Variants in SFI1 observed in about 807,000 individuals in gnomAD.
The protein encoded by SFI1 is SFI1 centrin binding protein.
In SFI1, 195 loss-of-function variants were observed where a neutral mutation model predicts 207.5. The observed-to-expected ratio is 0.94, with a 90% CI of 0.84 to 1.06. The LOEUF (loss-of-function observed/expected upper bound fraction) is 1.06. SFI1 is among the 50% of genes least tolerant of loss of function. The pLI is 0.00. For missense variants in SFI1, 1,634 were observed against 1,588.0 expected (o/e 1.03, Z -0.49); for synonymous variants, 630 against 598.9 (o/e 1.05, Z -0.76).
intron 2 of SFI1, among the ~76,000 whole-genome samples, chr22:31,520,920 C>T (rs1157698945): frequency 2.7e-5 from 4 of 147,270 alleles, no homozygotes; most frequent in Non-Finnish European, 3.0e-5. Context: ...GGGAGGATCA[C>T]GTGAGCCTGG....
intron 12 of SFI1, 23 bp downstream of exon 12, chr22:31,580,387 A>G (rs1603152220): frequency 1.9e-6 from 3 of 1,588,940 alleles, no homozygotes; most frequent in East Asian, 4.5e-5. Context: ...TTCTGTATCA[A>G]GGGACCTCTT....
chr22:31,612,394 AAAAAATATAT>A (rs1268477713), intron 24 of SFI1: 15 of 107,338 alleles, frequency 1.4e-4, no homozygotes, highest in African/African-American at 4.5e-4. Flanking sequence ...AAAAAAAAAA[AAAAAATATAT>A]ATATATATAT....
At chr22:31,512,854 T>C (rs981125610) in intron 2 of SFI1, among the ~76,000 whole-genome samples, 7 of 152,108 alleles carry the variant, frequency 4.6e-5, no homozygotes, top group Non-Finnish European at 1.0e-4. Context: ...GCCCGGCTAA[T>C]TTTTTGTATT....
rs764563552 is a variant in SFI1, at chr22:31,613,443, C to T, written c.2655C>T (p.Leu885=). ...QWALQAYQGQ[L]LQEGATRLLR... is the part of the protein sequence containing the mutation. ...CGCTCCAGGCCTACCAGGGGCAGCT[C>T]CTCCAGGAGGGTGCCACGCGGCTCC... The change falls in exon 26 of 33, where the codon CTC becomes CTT. Residue 885 remains leucine, a synonymous_variant. Coordinates refer to ENST00000400288, the MANE Select transcript of SFI1 (RefSeq NM_001007467.3). 2.5e-6 allele frequency: 4 copies of T among 1,608,182 alleles called. No homozygotes were observed. Among genetic ancestry groups the T allele is most frequent in the South Asian group, 1.1e-5 (1 of 91,042 alleles).
At chr22:31,600,412 G>A (rs1265708782) in intron 15 of SFI1, among the ~76,000 whole-genome samples, 28 of 152,094 alleles carry the variant, frequency 1.8e-4, no homozygotes, top group Admixed American at 1.8e-3. Context: ...CAGCTTTTGT[G>A]TCTGGTCTCT....
chr22:31,504,610 G>A (rs983942848), intron 1 of SFI1, among the ~76,000 whole-genome samples: 1 of 152,060 alleles, frequency 6.6e-6, no homozygotes, highest in Non-Finnish European at 1.5e-5. Flanking sequence ...ACCACAAACC[G>A]GGTGGCTTAA....
chr22:31,586,433 A>T (rs1232830097), intron 14 of SFI1, among the ~76,000 whole-genome samples: 2 of 152,218 alleles, frequency 1.3e-5, no homozygotes, highest in Admixed American at 1.3e-4. Context: ...TAATGCACAG[A>T]CCAACAAATG....
intron 27 of SFI1, chr22:31,614,386 C>G (rs1027775829): frequency 2.6e-6 from 1 of 384,910 alleles, no homozygotes; most frequent in African/African-American, 2.1e-5. Flanking sequence ...CAGCACTACC[C>G]GAGAGCCTTG....
Position 31,551,022 on chromosome 22 carries a change from A to G in SFI1, c.544+674A>G, listed in dbSNP as rs999414133. Among the ~76,000 whole-genome samples, 3 of 152,124 alleles carry G rather than the reference A, an allele frequency of 2.0e-5. No homozygotes were observed. In the East Asian group the frequency reaches 5.8e-4, roughly 29 times the overall value. ...GTGTCCATTCCTCATGCCTCATGTC[A>G]TCACTTACCTAATCTTTTAAGAAGG... is the stretch of plus-strand genomic sequence containing the variant. On this transcript the variant is annotated intron_variant, in intron 6 of 32. Coordinates refer to ENST00000400288, the MANE Select transcript of SFI1 (RefSeq NM_001007467.3).
chr22:31,581,315 C>G (rs1603174976), intron 12 of SFI1, among the ~76,000 whole-genome samples: 1 of 148,438 alleles, frequency 6.7e-6, no homozygotes, highest in Non-Finnish European at 1.5e-5. Flanking sequence ...CAGGGTCTTG[C>G]TCTGTTGCCC....
intron 2 of SFI1, among the ~76,000 whole-genome samples, chr22:31,512,987 G>GT (rs1410026456): frequency 6.6e-6 from 1 of 151,964 alleles, no homozygotes; most frequent in Non-Finnish European, 1.5e-5. Context: ...CGCCCAGCCA[G>GT]TTTTTGTATT....
chr22:31,527,729 C>CT (rs765168209), intron 2 of SFI1, among the ~76,000 whole-genome samples: 3 of 152,138 alleles, frequency 2.0e-5, no homozygotes, highest in Non-Finnish European at 4.4e-5. Flanking sequence ...AATGCCACCC[C>CT]TTTGGGGGGT....
intron 2 of SFI1, among the ~76,000 whole-genome samples, chr22:31,524,485 G>C (rs202170100): frequency 4.0e-5 from 6 of 151,470 alleles, no homozygotes; most frequent in South Asian, 2.1e-4. Flanking sequence ...TACAGTGGTG[G>C]GATCTCAGCT....
In SFI1 at chr22:31,604,381, C is replaced by T; in HGVS notation, c.1954C>T (p.His652Tyr). The change falls in exon 19 of 33, where the codon CAC (histidine) becomes TAC (tyrosine). Residue 652 changes from histidine to tyrosine, a missense_variant. Physicochemically the swap from His to Tyr is moderately conservative, Grantham distance 83 (BLOSUM62 2). Transcript: ENST00000400288. Reference sequence around the variant, plus strand: ...CCTGCACCACCAGCACAGCGTGCTGCACAGGGCGCTGCAGGCATGGGTGGT... The same window carrying T: ...CCTGCACCACCAGCACAGCGTGCTGTACAGGGCGCTGCAGGCATGGGTGGT... ...ADLHHQHSVL[H>Y]RALQAWVTYQ... 1 of 1,562,532 alleles carries T rather than the reference C, an allele frequency of 6.4e-7. No individual in the cohort carries two copies.
Position 31,500,448 on chromosome 22 carries a change from G to A in SFI1, c.-31+3811G>A, listed in dbSNP as rs114365241. On this transcript the variant is annotated intron_variant, in intron 1 of 32. Coordinates refer to ENST00000400288, the MANE Select transcript of SFI1 (RefSeq NM_001007467.3). ...ATTGTTAGCATTTTTTAGCAATAAG[G>A]TGTTTTTATTTATTTTTATTTTTAT... Among the ~76,000 whole-genome samples, 952 of 152,042 alleles carry A rather than the reference G, an allele frequency of 6.3e-3. 8 individuals carry two copies. Among genetic ancestry groups the A allele is most frequent in the African/African-American group, 0.022 (901 of 41,482 alleles).
chr22:31,599,802 T>C (rs1284628766), intron 15 of SFI1, among the ~76,000 whole-genome samples: 1 of 152,116 alleles, frequency 6.6e-6, no homozygotes, highest in East Asian at 1.9e-4. Flanking sequence ...TAATATACCA[T>C]TTCATGTTTA....
chr22:31,530,171 CAAAAAAAAAAAAAA>C (rs1162482504), intron 3 of SFI1, among the ~76,000 whole-genome samples: 14 of 12,104 alleles, frequency 1.2e-3, no homozygotes, highest in Non-Finnish European at 1.3e-3. Context: ...GACTCCATCT[CAAAAAAAAAAAAAA>C]AAAAAAAAAA....
At position 31,616,689 on chromosome 22, in the gene SFI1, C is replaced by G. The variant is rs745685046; in HGVS notation, c.3301-56C>G. On this transcript the variant is annotated intron_variant, in intron 29 of 32. Coordinates refer to ENST00000400288, the MANE Select transcript of SFI1 (RefSeq NM_001007467.3). ...GCAGTGACAAGGACTTGGTGTCCCCCTCCCTGGCTTCCTCCTAGCTTCCTT... is the reference window on the plus strand; with the variant it reads ...GCAGTGACAAGGACTTGGTGTCCCCGTCCCTGGCTTCCTCCTAGCTTCCTT... 9.5e-5 allele frequency: 143 copies of G among 1,502,838 alleles called. 1 individual carries two copies. The highest frequency in any genetic ancestry group is 7.5e-5 in the Non-Finnish European group (84 of 1,126,254). The allele number at this position is 1,502,838 out of a possible 1,614,324, so 93.1% of individuals were successfully genotyped here.
At position 31,595,933 on chromosome 22, in the gene SFI1, G is replaced by A. The variant is rs548208654; in HGVS notation, c.1545-6279G>A. Among the ~76,000 whole-genome samples, 17 of 152,300 alleles carry A rather than the reference G, an allele frequency of 1.1e-4. No individual in the cohort carries two copies. In the South Asian group the frequency reaches 1.7e-3, roughly 15 times the overall value. ...GGGGTGAGATGGAGGGGCATGCATT[G>A]GGAGAAGTTGCAGTCATCTTTAATC... On this transcript the variant is annotated intron_variant, in intron 15 of 32. Coordinates refer to ENST00000400288, the MANE Select transcript of SFI1 (RefSeq NM_001007467.3).
Sources: allele counts gnomAD v4.1 joint callset (sites outside exome capture counted in the v4.1 genomes callset), GRCh38; gene constraint gnomAD v4.1.1; transcripts MANE v1.5; gene names NCBI Gene and HGNC (gene_info 2026-07-23, HGNC 2026-07-21).